CASQ2: variants seen among roughly 807,000 people sequenced by gnomAD.
The protein encoded by CASQ2 is calsequestrin 2, also known as calsequestrin-2.
A neutral mutation model predicts 46.5 loss-of-function variants in CASQ2; 49 were observed. That is an observed-to-expected ratio of 1.05 (90% CI 0.84 to 1.34). The LOEUF (loss-of-function observed/expected upper bound fraction) is 1.34, where lower values mean the gene tolerates loss of function less well. Among genes scored for constraint, CASQ2 ranks in the 40% most tolerant of loss-of-function variants. CASQ2 has a pLI of 0.00. For synonymous variants in CASQ2, 174 were observed against 168.5 expected, an observed-to-expected ratio of 1.03 and a Z score of -0.25; for missense variants, 486 against 481.3, an observed-to-expected ratio of 1.01 and a Z score of -0.09.
chr1:115,717,954 C>A (rs1647224558), intron 7 of CASQ2, 60 bp from the exon 8 acceptor site: 1 of 1,117,036 alleles, frequency 9.0e-7, no homozygotes, highest in Non-Finnish European at 1.4e-6. Flanking sequence ...AGGACTGAGC[C>A]AGGGACAGGG....
intron 7 of CASQ2, among the ~76,000 whole-genome samples, chr1:115,721,220 C>T (rs1647363163): frequency 6.6e-6 from 1 of 152,136 alleles, no homozygotes; most frequent in South Asian, 2.1e-4. Context: ...TCCCTGTGGG[C>T]AGTTCCCCAG....
chr1:115,745,380 G>T (rs889043975), intron 1 of CASQ2, among the ~76,000 whole-genome samples: 6 of 152,076 alleles, frequency 3.9e-5, no homozygotes, highest in African/African-American at 1.2e-4. Flanking sequence ...CCCCACTCCT[G>T]GGCTTGTGAA....
At position 115,701,280 on chromosome 1, in the gene CASQ2, TTCA is replaced by T; in HGVS notation, c.1158_1160del (p.Asp386del). The T allele has an allele frequency of 6.2e-7, 1 of 1,601,508 alleles. No homozygotes were observed. Among genetic ancestry groups the T allele is most frequent in the Non-Finnish European group, 8.6e-7 (1 of 1,168,612 alleles). ...CGTCATCACTGTCATCATTATCCTC[TTCA>T]TCAGAATTATCATCATCATCATCAT... On this transcript the variant is annotated inframe_deletion, in exon 11 of 11. Transcript: ENST00000261448.
chr1:115,742,928 C>T (rs954597699), intron 2 of CASQ2, among the ~76,000 whole-genome samples: 1 of 152,070 alleles, frequency 6.6e-6, no homozygotes, highest in African/African-American at 2.4e-5. Flanking sequence ...AGTGGGACTA[C>T]AGGCACCCGC....
rs746128346 is a variant in CASQ2, at chr1:115,705,187, C to G, written c.939+5G>C. ...GAGGGTGGGGCGCTGGCTGGAGCCA[C>G]TCACCAGAGGAAAGTCGTCCGGGTC... On this transcript the variant is annotated splice_donor_5th_base_variant and intron_variant, in intron 9 of 10. Coordinates refer to ENST00000261448, the MANE Select transcript of CASQ2 (RefSeq NM_001232.4). 3.1e-6 allele frequency: 5 copies of G among 1,593,208 alleles called. No homozygotes were observed. Among genetic ancestry groups the G allele is most frequent in the Non-Finnish European group, 4.3e-6 (5 of 1,160,862 alleles).
chr1:115,721,441 A>G (rs1343158162), intron 7 of CASQ2, among the ~76,000 whole-genome samples: 1 of 152,200 alleles, frequency 6.6e-6, no homozygotes, highest in East Asian at 1.9e-4. Context: ...CCTGCATCTT[A>G]AAAACCTGCA....
At chr1:115,711,070 T>G (rs1258403342) in intron 8 of CASQ2, among the ~76,000 whole-genome samples, 2 of 152,172 alleles carry the variant, frequency 1.3e-5, no homozygotes, top group East Asian at 3.9e-4. Flanking sequence ...AGTGAACAGG[T>G]CCACAGCATG....
intron 8 of CASQ2, among the ~76,000 whole-genome samples, chr1:115,715,888 C>A (rs933667405): frequency 6.6e-6 from 1 of 152,128 alleles, no homozygotes; most frequent in Non-Finnish European, 1.5e-5. Context: ...GCGCCTACCA[C>A]GAGTCAAGAC....
intron 1 of CASQ2, among the ~76,000 whole-genome samples, chr1:115,750,585 T>C (rs1404772886): frequency 1.3e-5 from 2 of 152,188 alleles, no homozygotes; most frequent in Admixed American, 1.3e-4. Context: ...CACGGCTCAC[T>C]GAAGCCTTGA....
At chr1:115,705,110 C>T in intron 9 of CASQ2, 82 bp downstream of exon 9, 1 of 920,170 alleles carries the variant, frequency 1.1e-6, no homozygotes, top group East Asian at 2.4e-5. Context: ...GTGCCCCTGC[C>T]TATTTCACCT....
chr1:115,749,437 C>T (rs373062422), intron 1 of CASQ2, among the ~76,000 whole-genome samples: 4 of 152,292 alleles, frequency 2.6e-5, no homozygotes, highest in African/African-American at 7.2e-5. Context: ...TAACTAAATA[C>T]AGCCAATCAC....
chr1:115,731,516 C>T (rs1647782776), intron 5 of CASQ2, among the ~76,000 whole-genome samples: 1 of 152,216 alleles, frequency 6.6e-6, no homozygotes, highest in Admixed American at 6.5e-5. Flanking sequence ...CCTCCCACTT[C>T]CTGGGCCTAG....
chr1:115,740,584 G>A (rs193169700), intron 3 of CASQ2, 144 bp downstream of exon 3: 3 of 669,092 alleles, frequency 4.5e-6, no homozygotes, highest in Non-Finnish European at 8.0e-6. Context: ...AATAATATAG[G>A]TGCTCCTTAG....
chr1:115,761,516 A>AGAAGAG (rs1557806920), intron 1 of CASQ2, among the ~76,000 whole-genome samples: 26 of 105,006 alleles, frequency 2.5e-4, no homozygotes, highest in African/African-American at 7.9e-4. Flanking sequence ...AAGAAGAAGA[A>AGAAGAG]GAAGAAGAAG....
At chr1:115,750,457 C>A (rs1048176947) in intron 1 of CASQ2, among the ~76,000 whole-genome samples, 1 of 152,156 alleles carries the variant, frequency 6.6e-6, no homozygotes, top group Non-Finnish European at 1.5e-5. Flanking sequence ...ATTGCTGATT[C>A]TTTTAAGTAC....
chr1:115,738,485 C>CA, intron 3 of CASQ2, 150 bp from the exon 4 acceptor site: 1 of 702,408 alleles, frequency 1.4e-6, no homozygotes, highest in Non-Finnish European at 2.6e-6. Flanking sequence ...CCCCAGTGAG[C>CA]ATACCAGCAG....
At position 115,768,710 on chromosome 1, in the gene CASQ2, G is replaced by A; in HGVS notation, c.-169C>T. 1 of 626,052 alleles carries A rather than the reference G, an allele frequency of 1.6e-6. No individual in the cohort carries two copies. Among genetic ancestry groups the A allele is most frequent in the Non-Finnish European group, 2.8e-6 (1 of 351,386 alleles). The allele number at this position is 626,052 out of a possible 1,614,324, so 38.8% of individuals were successfully genotyped here. A position where few individuals can be genotyped will look rare whatever the true frequency, so the allele number is the denominator to read the frequency against. Reference sequence around the variant, plus strand: ...CTCTTCACCTCCTTGGGTCCAGCCAGCTCTGGAATCGTGGGCTCAGGACAA... The same window carrying A: ...CTCTTCACCTCCTTGGGTCCAGCCAACTCTGGAATCGTGGGCTCAGGACAA... On this transcript the variant is annotated 5_prime_UTR_variant, in exon 1 of 11. Transcript: ENST00000261448.
chr1:115,759,860 A>T (rs1209929857), intron 1 of CASQ2, among the ~76,000 whole-genome samples: 4 of 152,222 alleles, frequency 2.6e-5, no homozygotes, highest in Non-Finnish European at 5.9e-5. Flanking sequence ...GCAACCAAAT[A>T]GACGCATGTC....
Position 115,746,582 on chromosome 1 carries a change from A to T in CASQ2, c.235-1670T>A, listed in dbSNP as rs1648397789. 3.3e-5 allele frequency among the ~76,000 whole-genome samples: 5 copies of T among 152,196 alleles called. No individual in the cohort carries two copies. In the South Asian group the frequency reaches 1.0e-3, roughly 32 times the overall value. On this transcript the variant is annotated intron_variant, in intron 1 of 10. Coordinates refer to ENST00000261448, the MANE Select transcript of CASQ2 (RefSeq NM_001232.4). ...TTAATTTGCATTTTCCTAATGGCTA[A>T]CAATGTTGAGCATTTTTAAATGTCC...
Sources: allele counts gnomAD v4.1 joint callset (sites outside exome capture counted in the v4.1 genomes callset), GRCh38; gene constraint gnomAD v4.1.1; transcripts MANE v1.5; gene names NCBI Gene and HGNC (gene_info 2026-07-23, HGNC 2026-07-21).